Variants in CCM2 observed in about 807,000 individuals in gnomAD.
CCM2 encodes the protein cerebral cavernous malformations 2 protein.
In CCM2, 25 loss-of-function variants were observed where a neutral mutation model predicts 44.9. That is an observed-to-expected ratio of 0.56 (90% CI 0.41 to 0.78). The LOEUF (loss-of-function observed/expected upper bound fraction) is 0.78, where lower values mean the gene tolerates loss of function less well. Among genes scored for constraint, CCM2 ranks in the 30% least tolerant of loss-of-function variants. The pLI, the probability that CCM2 is intolerant of heterozygous loss-of-function variation, is 0.00. For missense variants in CCM2, 481 were observed against 580.6 expected, an observed-to-expected ratio of 0.83 and a Z score of 1.76; for synonymous variants, 219 against 241.1, an observed-to-expected ratio of 0.91 and a Z score of 0.85.
At position 45,030,560 on chromosome 7, in the gene CCM2, T is replaced by A. The variant is rs118145948; in HGVS notation, c.31-7693T>A. Reference sequence around the variant, plus strand: ...AAGTGATCCTCCCACCTCAGCCTCCTGAGTGCCTGGAACTACAGGCTAATT... The same window carrying A: ...AAGTGATCCTCCCACCTCAGCCTCCAGAGTGCCTGGAACTACAGGCTAATT... On this transcript the variant is annotated intron_variant, in intron 1 of 9. Coordinates refer to ENST00000258781, the MANE Select transcript of CCM2 (RefSeq NM_031443.4). Among the ~76,000 whole-genome samples, 1,223 of 152,144 alleles carry A rather than the reference T, an allele frequency of 8.0e-3. 6 individuals are homozygous for A. The highest frequency in any genetic ancestry group is 0.013 in the Admixed American group (203 of 15,278).
chr7:45,014,049 T>C (rs1426656063), intron 1 of CCM2, among the ~76,000 whole-genome samples: 1 of 152,192 alleles, frequency 6.6e-6, no homozygotes, highest in Non-Finnish European at 1.5e-5. Context: ...AGTATCCTTA[T>C]TTATTTTGAA....
Position 45,008,947 on chromosome 7 carries a change from G to T in CCM2, c.30+8584G>T, listed in dbSNP as rs549201620. ...AGTATTGTCCGTCTTTCTTGAAAGA[G>T]GTATGTGCAGCCTCCGTGTTTGCTT... On this transcript the variant is annotated intron_variant, in intron 1 of 9. Transcript: ENST00000258781. Among the ~76,000 whole-genome samples the T allele has an allele frequency of 2.0e-5, 3 of 152,228 alleles. No homozygotes were observed. The East Asian group carries it at 5.8e-4, about 29-fold the overall frequency.
intron 1 of CCM2, among the ~76,000 whole-genome samples, chr7:45,021,577 A>G (rs1386980651): frequency 6.6e-6 from 1 of 150,964 alleles, no homozygotes; most frequent in Non-Finnish European, 1.5e-5. Context: ...AAAAAAAAAT[A>G]AAATAAAATA....
chr7:45,047,066 A>G (rs10951792), intron 2 of CCM2, among the ~76,000 whole-genome samples: 29,144 of 152,140 alleles, frequency 0.19, 2,860 homozygotes, highest in Admixed American at 0.24. Context: ...AGTAGAACAC[A>G]AGATGCTGGA....
At chr7:45,042,164 G>A (rs1420115699) in intron 2 of CCM2, among the ~76,000 whole-genome samples, 2 of 150,064 alleles carry the variant, frequency 1.3e-5, no homozygotes, top group Non-Finnish European at 2.9e-5. Context: ...ATCTCAGGAG[G>A]CTGAGGCAGG....
In CCM2 at chr7:45,076,121, G is replaced by A. The variant is rs1338837023; in HGVS notation, c.*64G>A. ...GTCGTCATAGGCCTTCCCAGAAGGA[G>A]CTGCCCAGACCTGCGTGTCAGCCCT... is the stretch of plus-strand genomic sequence containing the variant. On this transcript the variant is annotated 3_prime_UTR_variant, in exon 10 of 10. Coordinates refer to ENST00000258781, the MANE Select transcript of CCM2 (RefSeq NM_031443.4). 6.2e-7 allele frequency: 1 copy of A among 1,604,184 alleles called. No individual in the cohort carries two copies. Among genetic ancestry groups the A allele is most frequent in the Non-Finnish European group, 8.5e-7 (1 of 1,177,500 alleles).
intron 6 of CCM2, chr7:45,070,216 T>C (rs537728096): frequency 1.7e-5 from 9 of 528,828 alleles, no homozygotes; most frequent in Non-Finnish European, 3.1e-5. Flanking sequence ...GTGAACACTT[T>C]TTTGGAACCA....
At chr7:45,059,542 C>T (rs1798429459) in intron 2 of CCM2, among the ~76,000 whole-genome samples, 2 of 152,006 alleles carry the variant, frequency 1.3e-5, no homozygotes, top group African/African-American at 4.8e-5. Context: ...CTCAGGAGTT[C>T]GAGACCAGCC....
rs927420232 is a variant in CCM2, at chr7:45,000,323, C to T, written c.-11C>T. 2.6e-5 allele frequency: 33 copies of T among 1,277,036 alleles called. No homozygotes were observed. In the African/African-American group the frequency reaches 2.8e-4, roughly 11 times the overall value. The allele number at this position is 1,277,036 out of a possible 1,614,324, so 79.1% of individuals were successfully genotyped here. A position where few individuals can be genotyped will look rare whatever the true frequency, so the allele number is the denominator to read the frequency against. ...CGGGCCGGGCGGGCCGCGGGAGCCG[C>T]ACGCGGCGATATGGAAGAGGAGGGC... is the stretch of plus-strand genomic sequence containing the variant. On this transcript the variant is annotated 5_prime_UTR_variant, in exon 1 of 10. Transcript: ENST00000258781.
At chr7:45,024,483 C>G (rs930126487) in intron 1 of CCM2, among the ~76,000 whole-genome samples, 2 of 152,148 alleles carry the variant, frequency 1.3e-5, no homozygotes, top group African/African-American at 4.8e-5. Flanking sequence ...TCTCTGCTTC[C>G]TGGGTTGGTT....
chr7:45,019,755 T>G (rs1031768518), intron 1 of CCM2, among the ~76,000 whole-genome samples: 3 of 152,108 alleles, frequency 2.0e-5, no homozygotes, highest in Admixed American at 6.5e-5. Context: ...TTTTTATTTT[T>G]GTAGAAATGG....
At chr7:45,070,438 G>A in intron 6 of CCM2, 1 of 456,422 alleles carries the variant, frequency 2.2e-6, no homozygotes, top group Non-Finnish European at 4.4e-6. Context: ...TGGGAGGCCA[G>A]CTGGCAGTGG....
At chr7:45,058,216 A>G (rs975713605) in intron 2 of CCM2, among the ~76,000 whole-genome samples, 3 of 152,180 alleles carry the variant, frequency 2.0e-5, no homozygotes, top group Non-Finnish European at 1.5e-5. Context: ...TGAGACTTCT[A>G]TATGATGTTA....
chr7:45,071,530 A>G (rs1799071846), intron 6 of CCM2: 1 of 316,218 alleles, frequency 3.2e-6, no homozygotes. Context: ...TGTTCTCTCT[A>G]CTACAGCTAT....
intron 1 of CCM2, among the ~76,000 whole-genome samples, chr7:45,000,954 TAAAG>T (rs1435387099): frequency 1.3e-5 from 2 of 152,360 alleles, no homozygotes; most frequent in South Asian, 2.1e-4. Flanking sequence ...TAGTAGTCGA[TAAAG>T]AAACATTTTA....
At chr7:45,041,096 G>A (rs1797474638) in intron 2 of CCM2, among the ~76,000 whole-genome samples, 1 of 152,218 alleles carries the variant, frequency 6.6e-6, no homozygotes, top group African/African-American at 2.4e-5. Flanking sequence ...AGGATGACAG[G>A]AAAGTGAAGT....
intron 1 of CCM2, among the ~76,000 whole-genome samples, chr7:45,028,936 G>T (rs6944713): frequency 6.6e-6 from 1 of 152,106 alleles, no homozygotes; most frequent in Non-Finnish European, 1.5e-5. Flanking sequence ...GTAGTGCCTC[G>T]GATGTGCACC....
At chr7:45,058,704 G>A (rs926489478) in intron 2 of CCM2, among the ~76,000 whole-genome samples, 1 of 151,980 alleles carries the variant, frequency 6.6e-6, no homozygotes, top group East Asian at 1.9e-4. Flanking sequence ...TGTTAGATTT[G>A]TCAAATGCTT....
At position 45,049,208 on chromosome 7, in the gene CCM2, C is replaced by T. The variant is rs186595644; in HGVS notation, c.204+10782C>T. ...CTGTGCTCAAGCGATCCTCCTGCCT[C>T]GGCTTCTCAAAGTGATAGATTACAA... is the stretch of plus-strand genomic sequence containing the variant. On this transcript the variant is annotated intron_variant, in intron 2 of 9. Transcript: ENST00000258781. Among the ~76,000 whole-genome samples the T allele has an allele frequency of 9.8e-4, 149 of 152,296 alleles. 2 individuals are homozygous for T. Among genetic ancestry groups the T allele is most frequent in the African/African-American group, 3.4e-3 (140 of 41,554 alleles).
Sources: allele counts gnomAD v4.1 joint callset (sites outside exome capture counted in the v4.1 genomes callset), GRCh38; gene constraint gnomAD v4.1.1; transcripts MANE v1.5; gene names NCBI Gene and HGNC (gene_info 2026-07-23, HGNC 2026-07-21).